Variants in SNRPN observed in about 807,000 individuals in gnomAD.
SNRPN encodes the protein small nuclear ribonucleoprotein polypeptide N.
SNRPN carries 7 observed loss-of-function variants against 25.2 expected under a neutral mutation model. The ratio of observed to expected loss-of-function variants is 0.28; its 90% CI spans 0.16 to 0.52. SNRPN has a LOEUF of 0.52. Among genes scored for constraint, SNRPN ranks in the 20% least tolerant of loss-of-function variants. SNRPN has a pLI of 0.96. For missense variants in SNRPN, 196 were observed against 322.5 expected, an observed-to-expected ratio of 0.61 and a Z score of 3.00; for synonymous variants, 124 against 110.6, an observed-to-expected ratio of 1.12 and a Z score of -0.76.
intron 2 of SNRPN, among the ~76,000 whole-genome samples, chr15:24,915,562 G>C (rs1044593147): frequency 6.6e-6 from 1 of 152,150 alleles, no homozygotes; most frequent in African/African-American, 2.4e-5. Context: ...TATGCATTAT[G>C]CTCCCTTTTC....
chr15:24,926,297 A>G (rs1808086598), intron 3 of SNRPN, among the ~76,000 whole-genome samples: 1 of 152,168 alleles, frequency 6.6e-6, no homozygotes, highest in Non-Finnish European at 1.5e-5. Context: ...TTTGAATAAT[A>G]TGTTTACATA....
rs1278493301 is a variant in SNRPN at position 24,872,096 on chromosome 15, G to C, written c.-578-14420G>C. ...AAAATAGATGAATTTATCTATTTTTGCTTCTGTTACTTGTGTTTTTTGTGT... is the reference window on the plus strand; with the variant it reads ...AAAATAGATGAATTTATCTATTTTTCCTTCTGTTACTTGTGTTTTTTGTGT... On this transcript the variant is annotated intron_variant, in intron 1 of 11. Coordinates refer to the SNRPN transcript ENST00000400097. Among the ~76,000 whole-genome samples the C allele has an allele frequency of 2.5e-5, 3 of 118,248 alleles. 1 individual carries two copies. The highest frequency in any genetic ancestry group is 9.1e-5 in the African/African-American group (3 of 32,894). 77.6% of individuals were successfully genotyped at this position (118,248 alleles called of 152,430 possible). A position where few individuals can be genotyped will look rare whatever the true frequency, so the allele number is the denominator to read the frequency against.
At chr15:24,927,586 A>G (rs1367640943) in intron 3 of SNRPN, among the ~76,000 whole-genome samples, 2 of 146,064 alleles carry the variant, frequency 1.4e-5, no homozygotes, top group African/African-American at 5.1e-5. Context: ...GAACCGGGAT[A>G]TACGTTTGGA....
intron 2 of SNRPN, among the ~76,000 whole-genome samples, chr15:24,965,621 A>T (rs1477318485): frequency 6.6e-6 from 1 of 152,148 alleles, no homozygotes; most frequent in South Asian, 2.1e-4. Flanking sequence ...ATTAGCTCTT[A>T]TTCTTTGGGG....
intron 3 of SNRPN, among the ~76,000 whole-genome samples, chr15:24,941,458 G>A (rs1260010844): frequency 2.0e-5 from 3 of 152,160 alleles, no homozygotes. Context: ...CACCACGGCT[G>A]GTTGTGATTA....
intron 2 of SNRPN, chr15:24,909,408 G>A (rs1029205747): frequency 2.5e-6 from 4 of 1,597,206 alleles, no homozygotes; most frequent in Non-Finnish European, 3.4e-6. Flanking sequence ...AAGGCACTTG[G>A]CTGACCATCA....
intron 6 of SNRPN, 37 bp downstream of exon 6, chr15:24,976,453 G>T: frequency 3.0e-6 from 4 of 1,327,796 alleles, no homozygotes; most frequent in East Asian, 2.3e-5. Flanking sequence ...ACTTTAATTT[G>T]CAGGGACATC....
intron 2 of SNRPN, chr15:24,851,056 G>A (rs1333705523): frequency 6.6e-6 from 1 of 151,946 alleles, no homozygotes; most frequent in Non-Finnish European, 1.5e-5. Context: ...ATGTAGCTGG[G>A]ACCACAGGCA....
intron 2 of SNRPN, among the ~76,000 whole-genome samples, chr15:24,918,761 T>C (rs62652907): frequency 6.4e-4 from 40 of 62,076 alleles, no homozygotes; most frequent in East Asian, 3.6e-3. Context: ...TATATATGTG[T>C]GCATATATAT....
At chr15:24,826,119 T>C (rs2050060348) in intron 1 of SNRPN, among the ~76,000 whole-genome samples, 1 of 152,134 alleles carries the variant, frequency 6.6e-6, no homozygotes, top group Admixed American at 6.5e-5. Flanking sequence ...TTCATTCAAA[T>C]GTCTTCTCGA....
At position 24,835,154 on chromosome 15, in the gene SNRPN, A is replaced by C. The variant is rs1201481155; in HGVS notation, c.-579+5249A>C. Among the ~76,000 whole-genome samples the C allele has an allele frequency of 7.9e-5, 5 of 62,920 alleles. 1 individual carries two copies. The highest frequency in any genetic ancestry group is 1.3e-4 in the Non-Finnish European group (4 of 31,938). 41.3% of individuals were successfully genotyped at this position (62,920 alleles called of 152,430 possible). A position where few individuals can be genotyped will look rare whatever the true frequency, so the allele number is the denominator to read the frequency against. ...TATAGATATATATACTATATATAAA[A>C]TATATAGTATATATATGAAAATAAG... On this transcript the variant is annotated intron_variant, in intron 2 of 12. Coordinates refer to the SNRPN transcript ENST00000400100.
At chr15:24,880,632 G>T (rs1200294454) in intron 1 of SNRPN, among the ~76,000 whole-genome samples, 1 of 152,010 alleles carries the variant, frequency 6.6e-6, no homozygotes, top group Non-Finnish European at 1.5e-5. Flanking sequence ...AACCCTAATG[G>T]GAGCCTGATG....
intron 1 of SNRPN, among the ~76,000 whole-genome samples, chr15:24,864,647 GTTT>G (rs35131413): frequency 6.6e-6 from 1 of 150,560 alleles, no homozygotes; most frequent in African/African-American, 2.4e-5. Context: ...CCTGGCCAAT[GTTT>G]TTTTTTGTTT....
At chr15:24,873,973 C>T (rs1264692196) in intron 1 of SNRPN, among the ~76,000 whole-genome samples, 2 of 150,672 alleles carry the variant, frequency 1.3e-5, no homozygotes, top group Admixed American at 1.3e-4. Flanking sequence ...ACTTCATTCA[C>T]TCCATGAGAA....
intron 3 of SNRPN, among the ~76,000 whole-genome samples, chr15:24,941,354 G>C (rs909697363): frequency 3.9e-5 from 6 of 152,194 alleles, no homozygotes; most frequent in Non-Finnish European, 8.8e-5. Context: ...GACAATTACA[G>C]TTCTGATTTC....
At chr15:24,873,669 G>T (rs555380846) in intron 1 of SNRPN, among the ~76,000 whole-genome samples, 2 of 151,946 alleles carry the variant, frequency 1.3e-5, no homozygotes, top group Non-Finnish European at 2.9e-5. Flanking sequence ...GGATGGTCTC[G>T]ATCTCCTGAC....
intron 2 of SNRPN, among the ~76,000 whole-genome samples, chr15:24,838,580 A>G (rs936504795): frequency 6.6e-6 from 1 of 151,994 alleles, no homozygotes; most frequent in Non-Finnish European, 1.5e-5. Flanking sequence ...TGGGTCTCAG[A>G]TCTTCCCTAT....
At chr15:24,930,337 T>C (rs2060729228) in intron 3 of SNRPN, among the ~76,000 whole-genome samples, 1 of 151,644 alleles carries the variant, frequency 6.6e-6, no homozygotes, top group Non-Finnish European at 1.5e-5. Flanking sequence ...AATATATTAT[T>C]TTACATGAGG....
At chr15:24,872,118 G>A (rs1444095423) in intron 1 of SNRPN, among the ~76,000 whole-genome samples, 2 of 119,922 alleles carry the variant, frequency 1.7e-5, no homozygotes, top group African/African-American at 5.8e-5. Context: ...TGTGTTTTTT[G>A]TGTTATATCT....
Sources: allele counts gnomAD v4.1 joint callset (sites outside exome capture counted in the v4.1 genomes callset), GRCh38; gene constraint gnomAD v4.1.1; transcripts MANE v1.5; gene names NCBI Gene and HGNC (gene_info 2026-07-23, HGNC 2026-07-21).